Variants in MSH4 observed in about 807,000 individuals in gnomAD.
MSH4 encodes mutS protein homolog 4.
Under a neutral mutation model 113.7 loss-of-function variants are expected in MSH4, and 106 were observed. The observed-to-expected ratio is 0.93, with a 90% CI of 0.80 to 1.10. The LOEUF (loss-of-function observed/expected upper bound fraction) is 1.10, where lower values mean the gene tolerates loss of function less well. MSH4 is among the 50% of genes least tolerant of loss of function. MSH4 has a pLI of 0.00. For missense variants in MSH4, 1,061 were observed against 1,093.7 expected (o/e 0.97, Z 0.42); for synonymous variants, 368 against 380.2 (o/e 0.97, Z 0.37).
chr1:75,823,991 C>T (rs1459548723), intron 7 of MSH4, among the ~76,000 whole-genome samples: 1 of 152,078 alleles, frequency 6.6e-6, no homozygotes, highest in Non-Finnish European at 1.5e-5. Context: ...GGTATATACT[C>T]AGTAATGGGA....
chr1:75,876,982 G>C lies in MSH4; in HGVS notation c.1352G>C (p.Gly451Ala). The C allele has an allele frequency of 6.4e-7, 1 of 1,562,600 alleles. No homozygotes were observed. The highest frequency in any genetic ancestry group is 1.2e-5 in the South Asian group (1 of 81,542). ...CNTPLLRAYY[G>A]SLEDKRFGII... is the part of the protein sequence containing the mutation. ...ACACCTTTATTAAGAGCTTACTATG[G>C]TTCCTTGGAAGACAAGAGGTCTTTG... The change falls in exon 10 of 20, where the codon GGT becomes GCT. Residue 451 changes from glycine (G) to alanine (A), a missense_variant. Transcript: ENST00000263187.
intron 8 of MSH4, among the ~76,000 whole-genome samples, chr1:75,849,710 TG>T (rs1252393658): frequency 6.6e-6 from 1 of 152,202 alleles, no homozygotes; most frequent in Non-Finnish European, 1.5e-5. Context: ...AAAATAAGTT[TG>T]GAAGTAGCCC....
At chr1:75,835,248 G>A (rs973542591) in intron 7 of MSH4, among the ~76,000 whole-genome samples, 1 of 152,060 alleles carries the variant, frequency 6.6e-6, no homozygotes, top group Non-Finnish European at 1.5e-5. Context: ...TCAAAATTCT[G>A]GTATTATATT....
At chr1:75,803,986 A>T in intron 2 of MSH4, 73 bp downstream of exon 2, 1 of 1,073,718 alleles carries the variant, frequency 9.3e-7, no homozygotes, top group Non-Finnish European at 1.3e-6. Flanking sequence ...AATTAGGGTT[A>T]TTAAGTTCAT....
rs1649990423 is a variant in MSH4 at position 75,803,643 on chromosome 1, A to G, written c.245-88A>G. ...AAAAAAGAAAAAAAGAAAAAAAAGGAAAGTGAACATGGTATAAATTATAAT... is the reference window on the plus strand; with the variant it reads ...AAAAAAGAAAAAAAGAAAAAAAAGGGAAGTGAACATGGTATAAATTATAAT... On this transcript the variant is annotated intron_variant, in intron 1 of 19. Transcript: ENST00000263187. 9.0e-6 allele frequency: 9 copies of G among 998,388 alleles called. 1 individual carries two copies. Among genetic ancestry groups the G allele is most frequent in the Non-Finnish European group, 1.2e-5 (9 of 724,586 alleles). 61.8% of individuals were successfully genotyped at this position (998,388 alleles called of 1,614,324 possible).
At chr1:75,831,667 A>G (rs1349852729) in intron 7 of MSH4, among the ~76,000 whole-genome samples, 1 of 152,202 alleles carries the variant, frequency 6.6e-6, no homozygotes, top group African/African-American at 2.4e-5. Flanking sequence ...AAACTGAACA[A>G]CCTGCTCCTG....
At chr1:75,843,487 T>TG (rs1169975107) in intron 7 of MSH4, among the ~76,000 whole-genome samples, 1 of 152,180 alleles carries the variant, frequency 6.6e-6, no homozygotes, top group Non-Finnish European at 1.5e-5. Context: ...ACATATATTT[T>TG]GGGGTTAAAT....
chr1:75,857,647 A>G (rs1284194536), intron 8 of MSH4, among the ~76,000 whole-genome samples: 2 of 152,098 alleles, frequency 1.3e-5, no homozygotes, highest in South Asian at 2.1e-4. Flanking sequence ...GTTGGTCTAT[A>G]TATCTGTTTT....
chr1:75,912,972 C>A lies in MSH4; in HGVS notation c.*85C>A. 1 of 768,938 alleles carries A rather than the reference C, an allele frequency of 1.3e-6. No homozygotes were observed. The highest frequency in any genetic ancestry group is 4.0e-5 in the South Asian group (1 of 24,928). The allele number at this position is 768,938 out of a possible 1,614,324, so 47.6% of individuals were successfully genotyped here. A position where few individuals can be genotyped will look rare whatever the true frequency, so the allele number is the denominator to read the frequency against. ...TTAGAGATAAGGAAAATAACATTTG[C>A]CAAATTTCATATTTTAATTGAAAAT... On this transcript the variant is annotated 3_prime_UTR_variant, in exon 20 of 20. Coordinates refer to ENST00000263187, the MANE Select transcript of MSH4 (RefSeq NM_002440.4).
Position 75,819,054 on chromosome 1 carries a change from C to T in MSH4, c.989+2508C>T, listed in dbSNP as rs113307698. ...GTGCTGGGATTACGGGTGTAAGCCACCGTGCCCGGCCTGTTTTTGTTTTTT... is the reference window on the plus strand; with the variant it reads ...GTGCTGGGATTACGGGTGTAAGCCATCGTGCCCGGCCTGTTTTTGTTTTTT... On this transcript the variant is annotated intron_variant, in intron 6 of 19. Transcript: ENST00000263187. Among the ~76,000 whole-genome samples, 1,142 of 152,224 alleles carry T rather than the reference C, an allele frequency of 7.5e-3. 10 individuals carry two copies. Among genetic ancestry groups the T allele is most frequent in the African/African-American group, 0.026 (1,094 of 41,532 alleles).
intron 9 of MSH4, among the ~76,000 whole-genome samples, chr1:75,871,188 AT>A (rs1419655122): frequency 6.6e-6 from 1 of 152,156 alleles, no homozygotes; most frequent in African/African-American, 2.4e-5. Context: ...TCACACACTT[AT>A]AAAACGATCA....
At chr1:75,885,059 G>GTGTATATATATATATATA (rs1300289205) in intron 15 of MSH4, among the ~76,000 whole-genome samples, 33 of 112,548 alleles carry the variant, frequency 2.9e-4, no homozygotes, top group African/African-American at 1.1e-3. Context: ...GTGTGTGTGT[G>GTGTATATATATATATATA]TATATATATA....
At chr1:75,896,465 G>T (rs1396428443) in intron 17 of MSH4, among the ~76,000 whole-genome samples, 4 of 147,052 alleles carry the variant, frequency 2.7e-5, no homozygotes, top group Non-Finnish European at 6.0e-5. Context: ...ATTTTTTTTT[G>T]AGATGGAGTT....
intron 4 of MSH4, among the ~76,000 whole-genome samples, chr1:75,814,348 C>T (rs562919226): frequency 6.6e-6 from 1 of 151,502 alleles, no homozygotes; most frequent in South Asian, 2.1e-4. Flanking sequence ...GCCTGTAGTC[C>T]CAGCTACTCA....
At chr1:75,810,972 A>G (rs1650178715) in intron 4 of MSH4, among the ~76,000 whole-genome samples, 165 bp downstream of exon 4, 1 of 152,030 alleles carries the variant, frequency 6.6e-6, no homozygotes, top group Non-Finnish European at 1.5e-5. Flanking sequence ...CCCGAGTTCG[A>G]GTGATTCTCC....
chr1:75,797,441 C>T (rs969145538), intron 1 of MSH4, among the ~76,000 whole-genome samples: 1 of 152,144 alleles, frequency 6.6e-6, no homozygotes, highest in East Asian at 1.9e-4. Flanking sequence ...GTGGATGGCT[C>T]AGTTCTGAGA....
intron 6 of MSH4, among the ~76,000 whole-genome samples, chr1:75,818,164 G>A (rs1650330040): frequency 6.6e-6 from 1 of 152,138 alleles, no homozygotes; most frequent in Non-Finnish European, 1.5e-5. Flanking sequence ...TAGTCATACT[G>A]TGATATCCTT....
At chr1:75,904,050 G>A (rs2100593170) in intron 19 of MSH4, among the ~76,000 whole-genome samples, 1 of 152,252 alleles carries the variant, frequency 6.6e-6, no homozygotes, top group African/African-American at 2.4e-5. Flanking sequence ...TCTACACCCA[G>A]TTTGTTGAGA....
rs962930577 is a variant in MSH4 at position 75,897,981 on chromosome 1, G to T, written c.2430G>T (p.Met810Ile). The change falls in exon 18 of 20, where the codon ATG (methionine) becomes ATT (isoleucine). Residue 810 changes from methionine to isoleucine, a missense_variant. Transcript: ENST00000263187. ...CCCTGTATCCTAATGTAGAAAACAT[G>T]CATTTTGAAGTTCAACATGTAAAGA... is the stretch of plus-strand genomic sequence containing the variant. Reference protein sequence around the residue: ...IDALYPNVENMHFEVQHVKNT... With the variant: ...IDALYPNVENIHFEVQHVKNT... The T allele has an allele frequency of 6.2e-7, 1 of 1,606,482 alleles. No homozygotes were observed. The highest frequency in any genetic ancestry group is 8.5e-7 in the Non-Finnish European group (1 of 1,175,806).
Sources: gnomAD v4.1 joint callset for allele counts (sites outside exome capture counted in the v4.1 genomes callset) on GRCh38, gnomAD v4.1.1 for gene constraint, MANE v1.5 for transcripts, NCBI Gene and HGNC (gene_info 2026-07-23, HGNC 2026-07-21) for gene names.